The following USP34 variants were observed in gnomAD, a reference collection of about 807,000 sequenced individuals.
USP34 encodes ubiquitin specific peptidase 34.
A neutral mutation model predicts 460.3 loss-of-function variants in USP34; 70 were observed. The observed-to-expected ratio is 0.15, with a 90% confidence interval of 0.13 to 0.19. The LOEUF is 0.19. USP34 is among the 10% of genes least tolerant of loss of function. USP34 has a pLI of 1.00. For missense variants in USP34, 3,985 were observed against 4,236.2 expected, an observed-to-expected ratio of 0.94 and a Z score of 1.65; for synonymous variants, 1,647 against 1,405.3, an observed-to-expected ratio of 1.17 and a Z score of -3.85.
chr2:61,393,543 A>G (rs1209230377), intron 5 of USP34, among the ~76,000 whole-genome samples: 1 of 152,160 alleles, frequency 6.6e-6, no homozygotes, highest in Admixed American at 6.5e-5. Context: ...TGACCTTGAT[A>G]GTAATCATTT....
At chr2:61,334,270 G>A (rs1013440949) in intron 18 of USP34, among the ~76,000 whole-genome samples, 2 of 152,058 alleles carry the variant, frequency 1.3e-5, no homozygotes, top group Non-Finnish European at 2.9e-5. Context: ...TTCTTCATAA[G>A]TCATTACCAT....
chr2:61,382,115 T>G (rs2103866996), intron 6 of USP34, among the ~76,000 whole-genome samples: 1 of 152,316 alleles, frequency 6.6e-6, no homozygotes, highest in South Asian at 2.1e-4. Context: ...CCAGGACTAA[T>G]ATATAAACCT....
rs1396556021 is a variant in USP34, at chr2:61,348,844, G to C, written c.1586C>G (p.Thr529Arg). The C allele has an allele frequency of 1.9e-6, 3 of 1,613,578 alleles. No individual in the cohort carries two copies. Among genetic ancestry groups the C allele is most frequent in the African/African-American group, 1.3e-5 (1 of 74,914 alleles). Residue 529 changes from threonine (T) to arginine (R), a missense_variant, in exon 14 of 80, where the codon ACA (threonine) becomes AGA (arginine). This residue lies in a region of USP34 where 716 missense variants were observed against 626.2 expected (regional missense o/e 1.14). Coordinates refer to ENST00000398571, the MANE Select transcript of USP34 (RefSeq NM_014709.4). ...AATGTCACTACCTCCACTTTGATGT[G>C]TATCGCTATTATCACTGCTTTGAGG... ...ASPQSSDNSDTHQSGGSDIEM... is the reference protein window; with the variant it reads ...ASPQSSDNSDRHQSGGSDIEM...
intron 67 of USP34, among the ~76,000 whole-genome samples, chr2:61,215,677 G>A (rs551611814): frequency 2.6e-5 from 4 of 152,318 alleles, no homozygotes; most frequent in Admixed American, 2.0e-4. Context: ...AGATAAAGAG[G>A]TGGAGGCTAG....
intron 2 of USP34, among the ~76,000 whole-genome samples, chr2:61,417,897 C>G (rs778594006): frequency 1.3e-5 from 2 of 149,350 alleles, no homozygotes; most frequent in African/African-American, 4.9e-5. Context: ...GAGCACCCCA[C>G]GCCTGGCTAA....
At position 61,227,222 on chromosome 2, in the gene USP34, A is replaced by G; in HGVS notation, c.7444-4T>C. On this transcript the variant is annotated splice_region_variant and splice_polypyrimidine_tract_variant and intron_variant, in intron 61 of 79. Transcript: ENST00000398571. Reference sequence around the variant, plus strand: ...CTGATAACACTTCAACTTGAGGCTAAGTTGGAATAAAATTCAATTTTAATA... The same window carrying G: ...CTGATAACACTTCAACTTGAGGCTAGGTTGGAATAAAATTCAATTTTAATA... The G allele has an allele frequency of 6.2e-7, 1 of 1,605,018 alleles. No individual in the cohort carries two copies. The highest frequency in any genetic ancestry group is 8.5e-7 in the Non-Finnish European group (1 of 1,175,366).
chr2:61,286,117 T>C (rs1689681841), intron 34 of USP34, among the ~76,000 whole-genome samples: 1 of 152,140 alleles, frequency 6.6e-6, no homozygotes, highest in Non-Finnish European at 1.5e-5. Context: ...AGGCTAAATT[T>C]TGCAAGTAAC....
chr2:61,247,464 G>A (rs1688448499), intron 49 of USP34, among the ~76,000 whole-genome samples: 1 of 152,206 alleles, frequency 6.6e-6, no homozygotes, highest in Non-Finnish European at 1.5e-5. Context: ...CTCTCCACAA[G>A]TGGAAACATC....
chr2:61,435,715 A>T (rs1694793904), intron 1 of USP34, among the ~76,000 whole-genome samples: 1 of 152,150 alleles, frequency 6.6e-6, no homozygotes, highest in African/African-American at 2.4e-5. Context: ...AGCACAAATG[A>T]TTTAAATTCC....
chr2:61,207,017 C>T (rs982953393), intron 70 of USP34, 131 bp from the exon 71 acceptor site: 25 of 926,234 alleles, frequency 2.7e-5, no homozygotes, highest in Admixed American at 9.2e-5. Flanking sequence ...GCAAAGCAAA[C>T]GTATTTGCTT....
rs112986915 is a variant in USP34 at position 61,272,857 on chromosome 2, C to T, written c.5433+5308G>A. 6.8e-3 allele frequency among the ~76,000 whole-genome samples: 1,042 copies of T among 152,218 alleles called. 9 individuals are homozygous for T. The highest frequency in any genetic ancestry group is 0.023 in the African/African-American group (976 of 41,548). The stretch of plus-strand genomic sequence containing the variant: ...AATGGAAAGAGTTAAACTTGTAAAA[C>T]AGGAAGTAATAGAATTACTTGCAGA... On this transcript the variant is annotated intron_variant, in intron 41 of 79. Transcript: ENST00000398571.
chr2:61,452,243 A>G (rs1032613752), intron 1 of USP34, among the ~76,000 whole-genome samples: 34 of 151,872 alleles, frequency 2.2e-4, no homozygotes, highest in African/African-American at 8.2e-4. Flanking sequence ...ACCTTTCTAA[A>G]TAACAAAAGA....
intron 8 of USP34, among the ~76,000 whole-genome samples, chr2:61,370,834 G>T (rs1042849817): frequency 1.3e-5 from 2 of 152,182 alleles, no homozygotes; most frequent in East Asian, 1.9e-4. Flanking sequence ...GTACACAAGT[G>T]TAACACTGAT....
intron 35 of USP34, among the ~76,000 whole-genome samples, 176 bp downstream of exon 35, chr2:61,284,699 C>G (rs1042388635): frequency 6.6e-6 from 1 of 152,076 alleles, no homozygotes; most frequent in African/African-American, 2.4e-5. Flanking sequence ...CTCATAAATA[C>G]AAGACACATT....
intron 35 of USP34, among the ~76,000 whole-genome samples, chr2:61,284,617 G>C (rs561191008): frequency 6.6e-6 from 1 of 152,090 alleles, no homozygotes; most frequent in African/African-American, 2.4e-5. Context: ...AAGTACTGGT[G>C]AACAGTCATG....
intron 6 of USP34, among the ~76,000 whole-genome samples, chr2:61,380,579 T>C (rs1187391365): frequency 2.1e-5 from 3 of 143,354 alleles, no homozygotes; most frequent in African/African-American, 7.8e-5. Context: ...CTGTAATGGA[T>C]TACAAAATGG....
intron 61 of USP34, 133 bp from the exon 62 acceptor site, chr2:61,227,351 T>A (rs765177366): frequency 1.6e-4 from 156 of 966,836 alleles, no homozygotes; most frequent in Non-Finnish European, 2.3e-4. Context: ...CACAAAGACC[T>A]AAACCTAATG....
At chr2:61,440,086 T>A (rs539835635) in intron 1 of USP34, among the ~76,000 whole-genome samples, 2 of 152,242 alleles carry the variant, frequency 1.3e-5, no homozygotes, top group South Asian at 4.2e-4. Flanking sequence ...GAGGGCTCAC[T>A]GAGGCACCTG....
chr2:61,236,134 A>C, intron 55 of USP34, 27 bp downstream of exon 55: 1 of 1,595,188 alleles, frequency 6.3e-7, no homozygotes, highest in Non-Finnish European at 8.5e-7. Flanking sequence ...TTTTGACAGA[A>C]TTATTTAAAG....
Sources: gnomAD v4.1 joint callset for allele counts (sites outside exome capture counted in the v4.1 genomes callset) on GRCh38, gnomAD v4.1.1 for gene constraint, gnomAD v4.1.1 regional missense constraint, MANE v1.5 for transcripts, NCBI Gene and HGNC (gene_info 2026-07-23, HGNC 2026-07-21) for gene names.